The following BECN1 variants were observed in gnomAD, a reference collection of about 807,000 sequenced individuals.
BECN1 encodes the protein beclin-1.
A neutral mutation model predicts 60.1 loss-of-function variants in BECN1; 15 were observed. That is an observed-to-expected ratio of 0.25 (90% CI 0.17 to 0.38). The LOEUF is 0.38. Among genes scored for constraint, BECN1 ranks in the 10% least tolerant of loss-of-function variants. The pLI is 1.00. For missense variants in BECN1, 424 were observed against 548.2 expected (o/e 0.77, Z 2.26); for synonymous variants, 179 against 201.8 (o/e 0.89, Z 0.96).
intron 10 of BECN1, chr17:42,813,655 C>A (rs895164457): frequency 1.3e-5 from 3 of 223,264 alleles, no homozygotes; most frequent in African/African-American, 6.9e-5. Context: ...TAAAACACTT[C>A]TGGTGATACT....
chr17:42,820,541 A>G, intron 3 of BECN1: 1 of 445,958 alleles, frequency 2.2e-6, no homozygotes, highest in Non-Finnish European at 4.0e-6. Flanking sequence ...CCAACATTTT[A>G]AAATGACTAA....
intron 10 of BECN1, among the ~76,000 whole-genome samples, chr17:42,813,136 A>G (rs1296814173): frequency 2.0e-5 from 3 of 150,502 alleles, no homozygotes; most frequent in Non-Finnish European, 3.0e-5. Context: ...GAGCCACTGC[A>G]CCCGGCCCTT....
intron 10 of BECN1, chr17:42,812,398 A>AC (rs1399494071): frequency 1.4e-5 from 2 of 147,498 alleles, no homozygotes; most frequent in Admixed American, 1.4e-4. Flanking sequence ...AAAAAAAAAA[A>AC]CCCACAAAAA....
At chr17:42,813,126 G>A (rs111611270) in intron 10 of BECN1, among the ~76,000 whole-genome samples, 2,428 of 151,450 alleles carry the variant, frequency 0.016, 84 homozygotes, top group South Asian at 0.1. Flanking sequence ...TTACAGGCGT[G>A]AGCCACTGCA....
At position 42,819,841 on chromosome 17, in the gene BECN1, G is replaced by A. The variant is rs80267388; in HGVS notation, c.199-232C>T. Among the ~76,000 whole-genome samples, 1,384 of 152,068 alleles carry A rather than the reference G, an allele frequency of 9.1e-3. 19 individuals carry two copies. The highest frequency in any genetic ancestry group is 0.031 in the African/African-American group (1,277 of 41,472). ...TTTGATTTTTTTTTTGTGGGGAACA[G>A]CATTTCCTAACTATGTTACACTCTA... On this transcript the variant is annotated intron_variant, in intron 3 of 11. Coordinates refer to ENST00000590099, the MANE Select transcript of BECN1 (RefSeq NM_001313998.2).
intron 7 of BECN1, among the ~76,000 whole-genome samples, chr17:42,816,692 C>T (rs963728891): frequency 7.3e-5 from 11 of 151,340 alleles, no homozygotes; most frequent in African/African-American, 2.7e-4. Flanking sequence ...TCTTCTGGGC[C>T]GGGTGCAGTG....
At chr17:42,818,498 T>C (rs1283591160) in intron 6 of BECN1, 46 bp downstream of exon 6, 2 of 1,613,338 alleles carry the variant, frequency 1.2e-6, no homozygotes, top group East Asian at 2.2e-5. Context: ...GGCCAAGCAG[T>C]CTCAGAGCAG....
At chr17:42,817,361 C>T (rs1293753989) in intron 7 of BECN1, among the ~76,000 whole-genome samples, 2 of 151,740 alleles carry the variant, frequency 1.3e-5, no homozygotes, top group African/African-American at 2.4e-5. Context: ...CCTTCTAAAG[C>T]TTCATTTCTA....
In BECN1 at chr17:42,811,789, C is replaced by G; in HGVS notation, c.1050G>C (p.Pro350=). 1 of 1,610,608 alleles carries G rather than the reference C, an allele frequency of 6.2e-7. No homozygotes were observed. The highest frequency in any genetic ancestry group is 8.5e-7 in the Non-Finnish European group (1 of 1,179,020). ...ESLTDKSKEL[P]LYCSGGLRFF... ...ACCGCAACCCCCCAGAACAGTATAA[C>G]GGCAGCTCCTGCCCAAGAAGAGAAA... The change falls in exon 11 of 12, where the codon CCG becomes CCC. Residue 350 remains proline (P), a synonymous_variant. Transcript: ENST00000590099.
Position 42,811,163 on chromosome 17 carries a change from C to T in BECN1, c.1185-235G>A, listed in dbSNP as rs147384057. 739 of 405,968 alleles carry T rather than the reference C, an allele frequency of 1.8e-3. 6 individuals carry two copies. Among genetic ancestry groups the T allele is most frequent in the African/African-American group, 0.014 (695 of 48,684 alleles). The allele number at this position is 405,968 out of a possible 1,614,324, so 25.1% of individuals were successfully genotyped here. On this transcript the variant is annotated intron_variant, in intron 11 of 11. Coordinates refer to ENST00000590099, the MANE Select transcript of BECN1 (RefSeq NM_001313998.2). ...GACACACACCCAAAGAGAAGAGAAGCCTGGAGTAGGGGTGAGTGAGGGTTA... is the reference window on the plus strand; with the variant it reads ...GACACACACCCAAAGAGAAGAGAAGTCTGGAGTAGGGGTGAGTGAGGGTTA...
chr17:42,812,201 A>G (rs1245523083), intron 10 of BECN1: 1 of 157,526 alleles, frequency 6.3e-6, no homozygotes, highest in Non-Finnish European at 1.4e-5. Flanking sequence ...CCTGACCAAC[A>G]TGGAGAAACC....
chr17:42,810,767 T>C lies in BECN1; in HGVS notation c.1346A>G (p.Asn449Ser), dbSNP rs779856839. 2 of 1,604,214 alleles carry C rather than the reference T, an allele frequency of 1.2e-6. No homozygotes were observed. Among genetic ancestry groups the C allele is most frequent in the Admixed American group, 3.4e-5 (2 of 58,036 alleles). The change falls in exon 12 of 12, where the codon AAC becomes AGC. Residue 449 changes from asparagine (N) to serine (S), a missense_variant. This residue lies in a region of BECN1 where 326 missense variants were observed against 406.2 expected (regional missense o/e 0.80). Transcript: ENST00000590099. ...GLAWVSSQFY[N>S]K Reference sequence around the variant, plus strand: ...TCCCCCTAAGGAAAAAAGTCATTTGTTATAAAATTGTGAGGACACCCAAGC... The same window carrying C: ...TCCCCCTAAGGAAAAAAGTCATTTGCTATAAAATTGTGAGGACACCCAAGC...
intron 9 of BECN1, 137 bp from the exon 10 acceptor site, chr17:42,814,145 C>A: frequency 3.6e-6 from 2 of 561,468 alleles, no homozygotes; most frequent in East Asian, 3.0e-5. Context: ...TCCCACCTCC[C>A]CATTGAATCC....
chr17:42,816,076 A>G, intron 7 of BECN1, 22 bp from the exon 8 acceptor site: 4 of 1,551,522 alleles, frequency 2.6e-6, no homozygotes, highest in Non-Finnish European at 3.5e-6. Context: ...CAAGGGGGCC[A>G]TTGAAGGCTG....
chr17:42,819,517 C>T, intron 4 of BECN1, 31 bp downstream of exon 4: 2 of 1,607,642 alleles, frequency 1.2e-6, no homozygotes, highest in Admixed American at 1.7e-5. Flanking sequence ...TAGCCTTTGG[C>T]AAGGAATGGG....
At chr17:42,822,749 C>A (rs1459534567) in intron 2 of BECN1, among the ~76,000 whole-genome samples, 1 of 151,890 alleles carries the variant, frequency 6.6e-6, no homozygotes, top group Non-Finnish European at 1.5e-5. Context: ...GTTGCCCAAG[C>A]TGCAGTGCAG....
chr17:42,822,714 A>G (rs781557114), intron 2 of BECN1, among the ~76,000 whole-genome samples: 2 of 151,378 alleles, frequency 1.3e-5, no homozygotes, highest in Non-Finnish European at 2.9e-5. Flanking sequence ...TAATTAATTT[A>G]TTTTTTGAGA....
At chr17:42,811,621 T>C in intron 11 of BECN1, 34 bp downstream of exon 11, 1 of 1,592,228 alleles carries the variant, frequency 6.3e-7, no homozygotes, top group Non-Finnish European at 8.6e-7. Context: ...AATTTGGTCC[T>C]ATACAAGTTC....
chr17:42,821,933 G>A (rs2055272901), intron 2 of BECN1, among the ~76,000 whole-genome samples: 7 of 152,298 alleles, frequency 4.6e-5, no homozygotes, highest in Middle Eastern at 3.4e-3. Flanking sequence ...TTTAAGAGGC[G>A]CGGTGGCTCA....
Sources: allele counts gnomAD v4.1 joint callset (sites outside exome capture counted in the v4.1 genomes callset), GRCh38; gene constraint gnomAD v4.1.1; regional missense constraint gnomAD v4.1.1; transcripts MANE v1.5; gene names NCBI Gene and HGNC (gene_info 2026-07-23, HGNC 2026-07-21).